SPTLC1: variants seen among roughly 807,000 people sequenced by gnomAD.
SPTLC1 encodes serine palmitoyltransferase long chain base subunit 1, also known as serine palmitoyltransferase 1.
SPTLC1 carries 55 observed loss-of-function variants against 68.9 expected under a neutral mutation model. The ratio of observed to expected loss-of-function variants is 0.80; its 90% confidence interval spans 0.64 to 1.00. The LOEUF (loss-of-function observed/expected upper bound fraction) is 1.00, where lower values mean the gene tolerates loss of function less well. Ranked by LOEUF, SPTLC1 falls within the 50% of genes least tolerant of loss-of-function variation. The pLI is 0.00. For missense variants in SPTLC1, 449 were observed against 573.1 expected, an observed-to-expected ratio of 0.78 and a Z score of 2.21; for synonymous variants, 197 against 201.6, an observed-to-expected ratio of 0.98 and a Z score of 0.19.
intron 1 of SPTLC1, among the ~76,000 whole-genome samples, chr9:92,113,190 A>G (rs950128399): frequency 6.6e-6 from 1 of 152,222 alleles, no homozygotes; most frequent in African/African-American, 2.4e-5. Context: ...TTTTTTGGGT[A>G]CACTATACAA....
intron 6 of SPTLC1, among the ~76,000 whole-genome samples, chr9:92,059,671 TTACTC>T (rs1292178196): frequency 6.6e-6 from 1 of 152,202 alleles, no homozygotes; most frequent in Non-Finnish European, 1.5e-5. Flanking sequence ...GACTGACACA[TTACTC>T]TGCCATTATT....
At chr9:92,063,814 T>C (rs10992218) in intron 6 of SPTLC1, among the ~76,000 whole-genome samples, 22,973 of 152,108 alleles carry the variant, frequency 0.15, 2,176 homozygotes, top group Admixed American at 0.21. Flanking sequence ...TCACATTGAT[T>C]TGCAATGAAA....
At chr9:92,100,197 C>G (rs1835697525) in intron 3 of SPTLC1, among the ~76,000 whole-genome samples, 1 of 152,064 alleles carries the variant, frequency 6.6e-6, no homozygotes, top group Non-Finnish European at 1.5e-5. Flanking sequence ...GGCAGATCAC[C>G]AGAGGTCAGG....
Position 92,112,569 on chromosome 9 carries a change from G to A in SPTLC1, c.58-7C>T, listed in dbSNP as rs1230972167. On this transcript the variant is annotated splice_region_variant and splice_polypyrimidine_tract_variant and intron_variant, in intron 1 of 14. Transcript: ENST00000262554. ...TAAGATGGTAAGCAGGAGCCTAAGA[G>A]TGAGTCAAAAACAAGTAAGATATGA... 6 of 1,577,124 alleles carry A rather than the reference G, an allele frequency of 3.8e-6. No homozygotes were observed. Among genetic ancestry groups the A allele is most frequent in the Non-Finnish European group, 5.2e-6 (6 of 1,155,478 alleles).
intron 5 of SPTLC1, among the ~76,000 whole-genome samples, chr9:92,078,313 T>C (rs1375170725): frequency 6.6e-6 from 1 of 152,214 alleles, no homozygotes. Flanking sequence ...AGTTTTCTAA[T>C]ACCTGCCAAG....
At chr9:92,057,463 ACT>A (rs1245794620) in intron 7 of SPTLC1, among the ~76,000 whole-genome samples, 1 of 152,144 alleles carries the variant, frequency 6.6e-6, no homozygotes, top group Admixed American at 6.5e-5. Context: ...TCATAGGAAC[ACT>A]CTTTGTCTCA....
rs561495719 is a variant in SPTLC1 at position 92,034,633 on chromosome 9, A to G, written c.1328+177T>C. On this transcript the variant is annotated intron_variant, in intron 14 of 14. Coordinates refer to ENST00000262554, the MANE Select transcript of SPTLC1 (RefSeq NM_006415.4). ...CTCAGTGAGTCCTTGGGAGCTTTTC[A>G]GTTAAAATTTTAGAAACTTCTAGTT... is the stretch of plus-strand genomic sequence containing the variant. Among the ~76,000 whole-genome samples the G allele has an allele frequency of 5.7e-4, 87 of 152,218 alleles. 1 individual carries two copies. Among genetic ancestry groups the G allele is most frequent in the Admixed American group, 5.6e-3 (86 of 15,286 alleles).
At chr9:92,032,696 G>A (rs1426141471) in intron 14 of SPTLC1, 138 bp from the exon 15 acceptor site, 21 of 1,160,068 alleles carry the variant, frequency 1.8e-5, no homozygotes, top group Non-Finnish European at 2.5e-5. Flanking sequence ...CTAACACAGT[G>A]AAACCCCATC....
At position 92,077,352 on chromosome 9, in the gene SPTLC1, C is replaced by T. The variant is rs930359208; in HGVS notation, c.427+2664G>A. 7.2e-5 allele frequency among the ~76,000 whole-genome samples: 11 copies of T among 152,208 alleles called. No homozygotes were observed. In the East Asian group the frequency reaches 1.7e-3, roughly 24 times the overall value. ...CCCAGCCATATAAAGACACCCTAGC[C>T]GGACGGTCAGTTCTTGTTAAGAACC... On this transcript the variant is annotated intron_variant, in intron 5 of 14. Transcript: ENST00000262554.
intron 5 of SPTLC1, among the ~76,000 whole-genome samples, chr9:92,072,564 G>GGGTT (rs1209754562): frequency 1.3e-5 from 2 of 151,858 alleles, no homozygotes; most frequent in Non-Finnish European, 2.9e-5. Flanking sequence ...GTTCTAACAT[G>GGGTT]GGCAACCTCC....
intron 1 of SPTLC1, among the ~76,000 whole-genome samples, chr9:92,113,031 C>T (rs985704877): frequency 1.3e-5 from 2 of 151,812 alleles, no homozygotes; most frequent in Non-Finnish European, 2.9e-5. Flanking sequence ...CGCTTGAACC[C>T]AGGAGGTGGA....
At chr9:92,091,394 C>T (rs901325522) in intron 3 of SPTLC1, among the ~76,000 whole-genome samples, 21 of 152,084 alleles carry the variant, frequency 1.4e-4, no homozygotes, top group South Asian at 6.2e-4. Context: ...TTCAGACAGA[C>T]GTGAAAATGA....
At chr9:92,038,418 C>T (rs896476088) in intron 12 of SPTLC1, 53 bp from the exon 13 acceptor site, 11 of 1,163,982 alleles carry the variant, frequency 9.5e-6, no homozygotes, top group African/African-American at 1.5e-5. Flanking sequence ...GCTTGAAGAT[C>T]GCTCACGGAG....
rs1834825901 is a variant in SPTLC1 at position 92,080,099 on chromosome 9, G to A, written c.355-11C>T. 1.9e-6 allele frequency: 3 copies of A among 1,607,480 alleles called. No individual in the cohort carries two copies. The South Asian group carries it at 3.3e-5, about 18-fold the overall frequency. On this transcript the variant is annotated splice_polypyrimidine_tract_variant and intron_variant, in intron 4 of 14. Coordinates refer to ENST00000262554, the MANE Select transcript of SPTLC1 (RefSeq NM_006415.4). ...TGCTAAAGCTGCTGCCTTTATTGAA[G>A]TACAAGAATTATACTTTAATAATTT... is the stretch of plus-strand genomic sequence containing the variant.
chr9:92,095,607 A>G (rs1835502511), intron 3 of SPTLC1, among the ~76,000 whole-genome samples: 1 of 152,212 alleles, frequency 6.6e-6, no homozygotes, highest in Non-Finnish European at 1.5e-5. Context: ...ATACCACTTA[A>G]TATCAGCTAA....
chr9:92,032,830 C>A (rs1180348119), intron 14 of SPTLC1, among the ~76,000 whole-genome samples: 6 of 150,316 alleles, frequency 4.0e-5, no homozygotes, highest in African/African-American at 1.5e-4. Flanking sequence ...GAGCCGAGAT[C>A]GCGCCATTGC....
intron 3 of SPTLC1, among the ~76,000 whole-genome samples, chr9:92,087,742 C>T (rs1835203958): frequency 6.6e-6 from 1 of 152,256 alleles, no homozygotes; most frequent in Non-Finnish European, 1.5e-5. Flanking sequence ...AGATCTCCAG[C>T]TGCGTGCTGG....
chr9:92,076,089 T>C (rs899661482), intron 5 of SPTLC1, among the ~76,000 whole-genome samples: 1 of 152,198 alleles, frequency 6.6e-6, no homozygotes, highest in African/African-American at 2.4e-5. Context: ...GCTGAATTAA[T>C]AGCACTAACT....
At chr9:92,101,345 G>C (rs369365046) in intron 3 of SPTLC1, among the ~76,000 whole-genome samples, 1 of 151,784 alleles carries the variant, frequency 6.6e-6, no homozygotes, top group Non-Finnish European at 1.5e-5. Flanking sequence ...GGCGGATCAC[G>C]AGGTCAGGAG....
Sources: gnomAD v4.1 joint callset for allele counts (sites outside exome capture counted in the v4.1 genomes callset) on GRCh38, gnomAD v4.1.1 for gene constraint, MANE v1.5 for transcripts, NCBI Gene and HGNC (gene_info 2026-07-23, HGNC 2026-07-21) for gene names.